The following ETS1 variants were observed in gnomAD, a reference collection of about 807,000 sequenced individuals.
ETS1 encodes the protein ETS proto-oncogene 1, transcription factor, also known as protein C-ets-1.
Under a neutral mutation model 58.6 loss-of-function variants are expected in ETS1, and 15 were observed. That is an observed-to-expected ratio of 0.26 (90% CI 0.17 to 0.39). The LOEUF is 0.39. ETS1 is among the 10% of genes least tolerant of loss of function. The pLI is 1.00. For missense variants in ETS1, 417 were observed against 610.5 expected (o/e 0.68, Z 3.34); for synonymous variants, 214 against 218.2 (o/e 0.98, Z 0.17).
intron 3 of ETS1, among the ~76,000 whole-genome samples, chr11:128,509,908 A>G (rs547452774): frequency 3.3e-5 from 5 of 152,238 alleles, no homozygotes; most frequent in Non-Finnish European, 7.3e-5. Flanking sequence ...TGTTTAAAGA[A>G]TGTGATTATG....
chr11:128,572,991 G>T, intron 2 of ETS1, 71 bp downstream of exon 2: 3 of 1,252,430 alleles, frequency 2.4e-6, no homozygotes, highest in Non-Finnish European at 3.4e-6. Flanking sequence ...TGGGGGTCAG[G>T]ATACAGGAAG....
intron 1 of ETS1, among the ~76,000 whole-genome samples, chr11:128,575,877 T>G (rs1565417027): frequency 1.3e-5 from 2 of 152,206 alleles, no homozygotes. Context: ...GAGAAAGGAC[T>G]TTTGGAATTG....
At chr11:128,508,495 A>G (rs1458053961) in intron 3 of ETS1, among the ~76,000 whole-genome samples, 1 of 152,208 alleles carries the variant, frequency 6.6e-6, no homozygotes, top group African/African-American at 2.4e-5. Context: ...TGCTGCCTCC[A>G]GTGAGGAATA....
chr11:128,552,100 A>G (rs1272592835), intron 3 of ETS1, among the ~76,000 whole-genome samples: 6 of 152,120 alleles, frequency 3.9e-5, no homozygotes, highest in African/African-American at 9.7e-5. Context: ...CTCAGATGAT[A>G]GTGATGCTGC....
intron 3 of ETS1, among the ~76,000 whole-genome samples, chr11:128,531,766 A>G (rs1461208580): frequency 6.6e-6 from 1 of 152,188 alleles, no homozygotes; most frequent in African/African-American, 2.4e-5. Flanking sequence ...TTTGATAGCC[A>G]ATGATTTTTG....
chr11:128,521,867 CCT>C (rs1565395207), intron 3 of ETS1: 1 of 1,535,150 alleles, frequency 6.5e-7, no homozygotes, highest in Non-Finnish European at 8.8e-7. Context: ...GGACCCCCGG[CCT>C]CTGGCCGAGA....
chr11:128,515,837 C>T (rs953833373), intron 3 of ETS1, among the ~76,000 whole-genome samples: 4 of 152,116 alleles, frequency 2.6e-5, no homozygotes, highest in African/African-American at 9.7e-5. Flanking sequence ...GTACTAAATG[C>T]TACAAGAAAG....
chr11:128,472,149 CT>C, intron 8 of ETS1, among the ~76,000 whole-genome samples: 1 of 152,242 alleles, frequency 6.6e-6, no homozygotes, highest in Admixed American at 6.5e-5. Context: ...TGAAAGTGTC[CT>C]ACCTACGCCT....
rs1484630431 is a variant in ETS1 at position 128,549,363 on chromosome 11, C to A, written c.214+6928G>T. Among the ~76,000 whole-genome samples the A allele has an allele frequency of 6.6e-6, 1 of 152,138 alleles. No homozygotes were observed. The highest frequency in any genetic ancestry group is 1.5e-5 in the Non-Finnish European group (1 of 68,024). The stretch of plus-strand genomic sequence containing the variant: ...CATTCACCCAGTGCCGCGGCCGGAG[C>A]CGAGCGGGGCCTGACGCCAGCCGGC... On this transcript the variant is annotated intron_variant, in intron 3 of 9. Coordinates refer to ENST00000392668, the MANE Select transcript of ETS1 (RefSeq NM_001143820.2). This position sits in a 1 kb window ranked among gnomAD's most constrained non-coding sequence, Gnocchi z 4.3.
intron 3 of ETS1, among the ~76,000 whole-genome samples, chr11:128,532,930 C>G (rs995578994): frequency 6.6e-6 from 1 of 152,162 alleles, no homozygotes; most frequent in African/African-American, 2.4e-5. Context: ...CATTGTAAAG[C>G]TAATTAAATA....
intron 7 of ETS1, 74 bp from the exon 8 acceptor site, chr11:128,480,525 C>T (rs1862456068): frequency 1.5e-5 from 16 of 1,035,280 alleles, no homozygotes; most frequent in Non-Finnish European, 2.2e-5. Context: ...TGTAAAAACC[C>T]TCTTATGGAG....
At chr11:128,574,861 T>A (rs966968048) in intron 1 of ETS1, among the ~76,000 whole-genome samples, 1 of 152,234 alleles carries the variant, frequency 6.6e-6, no homozygotes, top group Non-Finnish European at 1.5e-5. Context: ...ACAACATTGA[T>A]TGTGTCATAT....
chr11:128,512,385 C>T (rs1863415045), intron 3 of ETS1, among the ~76,000 whole-genome samples: 1 of 152,174 alleles, frequency 6.6e-6, no homozygotes, highest in Non-Finnish European at 1.5e-5. Context: ...GATCGTTTTC[C>T]TTGTTTTTCC....
At chr11:128,516,006 G>T (rs1863513979) in intron 3 of ETS1, among the ~76,000 whole-genome samples, 1 of 152,114 alleles carries the variant, frequency 6.6e-6, no homozygotes, top group African/African-American at 2.4e-5. Flanking sequence ...GCAATATTTT[G>T]AGCGTGTCTG....
At chr11:128,465,161 C>A (rs1325538823) in intron 8 of ETS1, among the ~76,000 whole-genome samples, 1 of 152,206 alleles carries the variant, frequency 6.6e-6, no homozygotes. Flanking sequence ...TTCCAAGGCT[C>A]CTCTCAGCAC....
chr11:128,551,590 C>G (rs1320904147), intron 3 of ETS1, among the ~76,000 whole-genome samples: 2 of 152,170 alleles, frequency 1.3e-5, no homozygotes, highest in African/African-American at 2.4e-5. Flanking sequence ...ACCATTTGCT[C>G]TAGCATGTAA....
intron 3 of ETS1, among the ~76,000 whole-genome samples, chr11:128,537,824 C>T (rs1375050402): frequency 6.6e-6 from 1 of 151,990 alleles, no homozygotes; most frequent in Admixed American, 6.6e-5. Flanking sequence ...GGGAAATATT[C>T]CATTGTTTTA....
intron 7 of ETS1, 28 bp from the exon 8 acceptor site, chr11:128,480,479 G>A (rs369016708): frequency 1.5e-4 from 228 of 1,553,222 alleles, no homozygotes; most frequent in Non-Finnish European, 1.9e-4. Context: ...GGTAGGAAGA[G>A]GACAGGGGGA....
intron 3 of ETS1, among the ~76,000 whole-genome samples, chr11:128,506,648 A>G (rs1482874212): frequency 6.6e-6 from 1 of 152,040 alleles, no homozygotes; most frequent in Non-Finnish European, 1.5e-5. Context: ...GGCATTACTG[A>G]AAGGGAAGAC....
Sources: gnomAD v4.1 joint callset for allele counts (sites outside exome capture counted in the v4.1 genomes callset) on GRCh38, gnomAD v4.1.1 for gene constraint, Gnocchi (gnomAD v3.1) non-coding constraint, MANE v1.5 for transcripts, NCBI Gene and HGNC (gene_info 2026-07-23, HGNC 2026-07-21) for gene names.